Variants in SIDT1 observed in about 807,000 individuals in gnomAD.
The protein encoded by SIDT1 is SID1 transmembrane family, member 1.
Under a neutral mutation model 107.5 loss-of-function variants are expected in SIDT1, and 101 were observed. The observed-to-expected ratio is 0.94, with a 90% CI of 0.80 to 1.11. SIDT1 has a LOEUF of 1.11. SIDT1 is among the 50% of genes least tolerant of loss of function. The pLI, the probability that SIDT1 is intolerant of heterozygous loss-of-function variation, is 0.00. For synonymous variants in SIDT1, 395 were observed against 398.2 expected (o/e 0.99, Z 0.10); for missense variants, 1,076 against 1,058.2 (o/e 1.02, Z -0.23).
chr3:113,608,459 T>C lies in SIDT1; in HGVS notation c.1643T>C (p.Met548Thr). 1.9e-6 allele frequency: 3 copies of C among 1,614,150 alleles called. No individual in the cohort carries two copies. Among genetic ancestry groups the C allele is most frequent in the East Asian group, 4.5e-5 (2 of 44,890 alleles). Residue 548 changes from methionine to threonine, a missense_variant, in exon 17 of 25, where the codon ATG (methionine) becomes ACG (threonine). By Grantham distance (81) the Met-to-Thr change is moderately conservative. Coordinates refer to ENST00000264852, the MANE Select transcript of SIDT1 (RefSeq NM_017699.3). Reference sequence around the variant, plus strand: ...AAACACTTTGGTCTCTTCTACGCTATGGGCATTGCATTGATGATGGAAGGG... The same window carrying C: ...AAACACTTTGGTCTCTTCTACGCTACGGGCATTGCATTGATGATGGAAGGG... ...IPKHFGLFYA[M>T]GIALMMEGVL...
At chr3:113,630,065 A>G (rs1303078952), downstream of SIDT1, among the ~76,000 whole-genome samples, 1 of 152,156 alleles carries the variant, frequency 6.6e-6, no homozygotes, top group Non-Finnish European at 1.5e-5. Flanking sequence ...TTTCTGTAGG[A>G]CAGTGTCTAT....
chr3:113,612,981 A>T (rs773770109), intron 19 of SIDT1, among the ~76,000 whole-genome samples: 2 of 152,236 alleles, frequency 1.3e-5, no homozygotes, highest in African/African-American at 2.4e-5. Flanking sequence ...CAGACTAAAA[A>T]GCTATTAAAT....
intron 1 of SIDT1, among the ~76,000 whole-genome samples, chr3:113,548,633 A>G (rs563846410): frequency 1.3e-5 from 2 of 152,188 alleles, no homozygotes; most frequent in South Asian, 2.1e-4. Flanking sequence ...CATTTGAAAG[A>G]TACTCTCTAT....
chr3:113,606,906 G>A (rs373967068), intron 14 of SIDT1, 135 bp from the exon 15 acceptor site: 1 of 649,724 alleles, frequency 1.5e-6, no homozygotes, highest in South Asian at 1.9e-5. Context: ...TGGCCCATCT[G>A]TGCAGAGGAG....
intron 19 of SIDT1, among the ~76,000 whole-genome samples, chr3:113,613,668 C>A (rs1306667097): frequency 6.6e-6 from 1 of 152,190 alleles, no homozygotes; most frequent in African/African-American, 2.4e-5. Flanking sequence ...TGAAGTCATA[C>A]AAACTAAACT....
intron 1 of SIDT1, among the ~76,000 whole-genome samples, chr3:113,541,131 TATAC>T (rs1350425581): frequency 9.6e-6 from 1 of 104,650 alleles, no homozygotes; most frequent in Non-Finnish European, 2.0e-5. Flanking sequence ...TATATATATA[TATAC>T]ACACACATAC....
chr3:113,573,093 T>C (rs1380367745), intron 3 of SIDT1, among the ~76,000 whole-genome samples: 1 of 151,974 alleles, frequency 6.6e-6, no homozygotes, highest in African/African-American at 2.4e-5. Flanking sequence ...GAGTAGGACC[T>C]GGTGATTAAT....
chr3:113,616,907 T>C (rs1003461727), intron 20 of SIDT1, among the ~76,000 whole-genome samples: 45 of 152,094 alleles, frequency 3.0e-4, no homozygotes, highest in African/African-American at 9.7e-4. Context: ...AGGCTGGTCT[T>C]GAACTCCCAA....
chr3:113,539,188 C>G (rs953824921), intron 1 of SIDT1, among the ~76,000 whole-genome samples: 2 of 152,052 alleles, frequency 1.3e-5, no homozygotes, highest in African/African-American at 2.4e-5. Context: ...TAATGATGAT[C>G]AATGAGATTT....
intron 1 of SIDT1, among the ~76,000 whole-genome samples, chr3:113,540,189 C>G (rs1938652134): frequency 6.6e-6 from 1 of 151,942 alleles, no homozygotes; most frequent in African/African-American, 2.4e-5. Flanking sequence ...TTTGAACAAC[C>G]AACTCTCATT....
chr3:113,568,998 G>A (rs1942191795), intron 3 of SIDT1, among the ~76,000 whole-genome samples: 1 of 151,902 alleles, frequency 6.6e-6, no homozygotes, highest in African/African-American at 2.4e-5. Context: ...AAATTAGCTG[G>A]GCATGGTGGC....
chr3:113,611,250 T>C lies in SIDT1; in HGVS notation c.1857+106T>C, dbSNP rs564820846. 5 of 1,321,818 alleles carry C rather than the reference T, an allele frequency of 3.8e-6. No homozygotes were observed. The African/African-American group carries it at 7.3e-5, about 19-fold the overall frequency. 81.9% of individuals were successfully genotyped at this position (1,321,818 alleles called of 1,614,324 possible). A position where few individuals can be genotyped will look rare whatever the true frequency, so the allele number is the denominator to read the frequency against. Reference sequence around the variant, plus strand: ...GGTTTGGATTAACCAAAATCCTCAGTTCATGACACAATTTCATCTCATGAC... The same window carrying C: ...GGTTTGGATTAACCAAAATCCTCAGCTCATGACACAATTTCATCTCATGAC... On this transcript the variant is annotated intron_variant, in intron 18 of 24. Coordinates refer to ENST00000264852, the MANE Select transcript of SIDT1 (RefSeq NM_017699.3).
At chr3:113,576,037 A>T (rs1292657356) in intron 3 of SIDT1, among the ~76,000 whole-genome samples, 1 of 152,226 alleles carries the variant, frequency 6.6e-6, no homozygotes, top group Non-Finnish European at 1.5e-5. Flanking sequence ...AAAGAGAAAA[A>T]GCCCAAAGTA....
intron 11 of SIDT1, chr3:113,602,370 TA>T (rs1434103723): frequency 6.6e-6 from 1 of 152,278 alleles, no homozygotes; most frequent in African/African-American, 2.4e-5. Flanking sequence ...TACTTATTTT[TA>T]GTTCTGTTAG....
At chr3:113,533,356 ACTTT>A (rs1937696011) in intron 1 of SIDT1, 113 bp downstream of exon 1, 4 of 825,154 alleles carry the variant, frequency 4.8e-6, no homozygotes, top group Admixed American at 8.5e-5. Flanking sequence ...GGACCAGGGG[ACTTT>A]CTTTCCCTTT....
downstream of SIDT1, among the ~76,000 whole-genome samples, chr3:113,633,388 T>A (rs1947105993): frequency 1.3e-5 from 2 of 152,136 alleles, no homozygotes; most frequent in South Asian, 4.1e-4. Context: ...ATTATGTGGA[T>A]GGAACATTCA....
chr3:113,631,427 C>T (rs1201057568), downstream of SIDT1, among the ~76,000 whole-genome samples: 4 of 152,172 alleles, frequency 2.6e-5, no homozygotes, highest in East Asian at 1.9e-4. Flanking sequence ...GAAGCACTAT[C>T]GGTAGAGATT....
chr3:113,634,176 ACAG>A (rs1947109710), downstream of SIDT1, among the ~76,000 whole-genome samples: 3 of 152,178 alleles, frequency 2.0e-5, no homozygotes. Context: ...AGAAATAAAA[ACAG>A]CTCCTCTGCC....
Position 113,604,969 on chromosome 3 carries a change from A to AT in SIDT1, c.1398dup (p.Gln467SerfsTer101). The AT allele has an allele frequency of 6.2e-7, 1 of 1,613,910 alleles. No homozygotes were observed. Among genetic ancestry groups the AT allele is most frequent in the Non-Finnish European group, 8.5e-7 (1 of 1,179,988 alleles). On this transcript the variant is annotated frameshift_variant, in exon 14 of 25. Transcript: ENST00000264852. LOFTEE classifies it high-confidence loss of function. ...CCCGTGATCCAGCTGGTCATTACCT[A>AT]TCAGACAGTAAGTGCTGCCCCAGCC...
Sources: gnomAD v4.1 joint callset for allele counts (sites outside exome capture counted in the v4.1 genomes callset) on GRCh38, gnomAD v4.1.1 for gene constraint, MANE v1.5 for transcripts, NCBI Gene and HGNC (gene_info 2026-07-23, HGNC 2026-07-21) for gene names.